UBAC2: variants seen among roughly 807,000 people sequenced by gnomAD.
The protein encoded by UBAC2 is UBA domain containing 2.
In UBAC2, 26 loss-of-function variants were observed where a neutral mutation model predicts 44.0. The observed-to-expected ratio is 0.59, with a 90% CI of 0.43 to 0.82. UBAC2 has a LOEUF of 0.82. Ranked by LOEUF, UBAC2 falls within the 40% of genes least tolerant of loss-of-function variation. The pLI, the probability that UBAC2 is intolerant of heterozygous loss-of-function variation, is 0.00. For missense variants in UBAC2, 329 were observed against 419.4 expected, an observed-to-expected ratio of 0.78 and a Z score of 1.88; for synonymous variants, 155 against 154.3, an observed-to-expected ratio of 1.00 and a Z score of -0.04.
chr13:99,258,589 A>G (rs1288723699), intron 4 of UBAC2: 2 of 152,182 alleles, frequency 1.3e-5, no homozygotes, highest in Non-Finnish European at 2.9e-5. Context: ...TGCATCATCT[A>G]TGGAAAGAGA....
intron 7 of UBAC2, among the ~76,000 whole-genome samples, chr13:99,349,560 T>G (rs141693898): frequency 0.014 from 2,196 of 152,286 alleles, 75 homozygotes; most frequent in African/African-American, 0.05. Context: ...GTGAATCTTC[T>G]AAGTGATTGA....
chr13:99,371,001 T>G (rs2045398287), intron 8 of UBAC2, among the ~76,000 whole-genome samples: 1 of 152,258 alleles, frequency 6.6e-6, no homozygotes, highest in South Asian at 2.1e-4. Context: ...TGTTACTGTT[T>G]ACTTGATACA....
intron 4 of UBAC2, among the ~76,000 whole-genome samples, chr13:99,269,062 T>C (rs2043783479): frequency 6.6e-6 from 1 of 152,124 alleles, no homozygotes; most frequent in Non-Finnish European, 1.5e-5. Flanking sequence ...AGGAGTAACT[T>C]TGCAGCACTC....
intron 2 of UBAC2, among the ~76,000 whole-genome samples, chr13:99,241,844 G>C (rs1594036635): frequency 6.7e-6 from 1 of 148,302 alleles, no homozygotes; most frequent in Non-Finnish European, 1.5e-5. Flanking sequence ...ATAAACAAGT[G>C]AACAAAGGTC....
intron 7 of UBAC2, among the ~76,000 whole-genome samples, chr13:99,350,936 G>GC (rs1052519323): frequency 6.6e-6 from 1 of 152,156 alleles, no homozygotes; most frequent in Non-Finnish European, 1.5e-5. Flanking sequence ...GGGGTATGAA[G>GC]CCCCCCAGCA....
chr13:99,298,507 T>C (rs572835700), intron 4 of UBAC2, among the ~76,000 whole-genome samples: 2 of 152,276 alleles, frequency 1.3e-5, no homozygotes, highest in Admixed American at 1.3e-4. Flanking sequence ...CTGAGATAGA[T>C]ATAAAGCCTT....
At chr13:99,214,271 C>T (rs543801236) in intron 1 of UBAC2, among the ~76,000 whole-genome samples, 35 of 118,634 alleles carry the variant, frequency 3.0e-4, no homozygotes, top group African/African-American at 7.8e-4. Context: ...AAATTTTTTT[C>T]GTGTAAGGAC....
intron 6 of UBAC2, among the ~76,000 whole-genome samples, chr13:99,321,910 C>T (rs1272493013): frequency 6.6e-6 from 1 of 152,148 alleles, no homozygotes; most frequent in Non-Finnish European, 1.5e-5. Context: ...CAGCTGCTGC[C>T]CAGGAAAGGT....
chr13:99,262,710 C>CAAAAAAAAAAAAAAAAAAA (rs61627160), intron 4 of UBAC2, among the ~76,000 whole-genome samples: 2 of 57,158 alleles, frequency 3.5e-5, no homozygotes, highest in Non-Finnish European at 6.3e-5. Flanking sequence ...AACTCCCTCT[C>CAAAAAAAAAAAAAAAAAAA]AAAAAAAAAA....
chr13:99,277,209 A>G (rs897933179), intron 4 of UBAC2, among the ~76,000 whole-genome samples: 1 of 152,318 alleles, frequency 6.6e-6, no homozygotes, highest in East Asian at 1.9e-4. Flanking sequence ...ATAAATATGT[A>G]TGTTCAAACT....
Position 99,275,758 on chromosome 13 carries a change from T to A in UBAC2, c.389+31134T>A, listed in dbSNP as rs564110181. Among the ~76,000 whole-genome samples, 3 of 152,302 alleles carry A rather than the reference T, an allele frequency of 2.0e-5. No homozygotes were observed. In the South Asian group the frequency reaches 6.2e-4, roughly 32 times the overall value. ...GTTTTCCTTACATATCTCTAAGCCTTTGATTATCTGTTTGGATTTAAGATC... is the reference window on the plus strand; with the variant it reads ...GTTTTCCTTACATATCTCTAAGCCTATGATTATCTGTTTGGATTTAAGATC... On this transcript the variant is annotated intron_variant, in intron 4 of 8. Transcript: ENST00000403766.
chr13:99,229,905 G>A (rs1267702439), intron 1 of UBAC2, among the ~76,000 whole-genome samples: 2 of 152,186 alleles, frequency 1.3e-5, no homozygotes, highest in Admixed American at 1.3e-4. Flanking sequence ...CTTACCAGGA[G>A]CAGTTTGAAC....
intron 8 of UBAC2, among the ~76,000 whole-genome samples, chr13:99,374,751 CA>C (rs1335460006): frequency 2.5e-4 from 38 of 152,238 alleles, no homozygotes; most frequent in African/African-American, 8.7e-4. Context: ...AGCATGGCAG[CA>C]CATTGGGTAT....
chr13:99,253,241 A>C (rs1029241824), intron 4 of UBAC2, among the ~76,000 whole-genome samples: 12 of 152,004 alleles, frequency 7.9e-5, no homozygotes, highest in Non-Finnish European at 7.4e-5. Flanking sequence ...TAGCTCTGAG[A>C]ATGTTTACAT....
At chr13:99,334,947 A>G (rs987198840) in intron 6 of UBAC2, among the ~76,000 whole-genome samples, 1 of 152,210 alleles carries the variant, frequency 6.6e-6, no homozygotes, top group African/African-American at 2.4e-5. Context: ...TATTATGGAG[A>G]CAGTAACCAT....
intron 8 of UBAC2, among the ~76,000 whole-genome samples, chr13:99,379,780 C>G (rs1054120776): frequency 2.0e-5 from 3 of 152,250 alleles, no homozygotes; most frequent in African/African-American, 7.2e-5. Flanking sequence ...TTACACTGCT[C>G]TCCACTTTCT....
At position 99,362,887 on chromosome 13, in the gene UBAC2, T is replaced by C. The variant is rs186191944; in HGVS notation, c.808-4900T>C. Among the ~76,000 whole-genome samples, 445 of 152,354 alleles carry C rather than the reference T, an allele frequency of 2.9e-3. 2 individuals carry two copies. The highest frequency in any genetic ancestry group is 0.01 in the African/African-American group (434 of 41,586). The stretch of plus-strand genomic sequence containing the variant: ...ATTGAACTTTTAATACAAAAGTTCT[T>C]ACAGGTAAAGTAATTTTTAACCACT... On this transcript the variant is annotated intron_variant, in intron 7 of 8. Coordinates refer to ENST00000403766, the MANE Select transcript of UBAC2 (RefSeq NM_001144072.2).
At chr13:99,334,334 A>T (rs1363314953) in intron 6 of UBAC2, among the ~76,000 whole-genome samples, 1 of 152,212 alleles carries the variant, frequency 6.6e-6, no homozygotes, top group Non-Finnish European at 1.5e-5. Context: ...GGAAGACATT[A>T]CATGGAACTG....
At chr13:99,346,853 A>G (rs1312038661) in intron 7 of UBAC2, among the ~76,000 whole-genome samples, 1 of 152,208 alleles carries the variant, frequency 6.6e-6, no homozygotes. Context: ...TGTTTTCTGT[A>G]TATCTCCAGT....
Sources: gnomAD v4.1 joint callset for allele counts (sites outside exome capture counted in the v4.1 genomes callset) on GRCh38, gnomAD v4.1.1 for gene constraint, MANE v1.5 for transcripts, NCBI Gene and HGNC (gene_info 2026-07-23, HGNC 2026-07-21) for gene names.